MED13: variants seen among roughly 807,000 people sequenced by gnomAD.
The protein encoded by MED13 is mediator of RNA polymerase II transcription subunit 13.
A neutral mutation model predicts 225.2 loss-of-function variants in MED13; 23 were observed. The observed-to-expected ratio is 0.10, with a 90% confidence interval of 0.07 to 0.14. The LOEUF is 0.14. MED13 is among the 10% of genes least tolerant of loss of function. The pLI is 1.00. For missense variants in MED13, 2,197 were observed against 2,594.5 expected (o/e 0.85, Z 3.33); for synonymous variants, 942 against 889.2 (o/e 1.06, Z -1.06).
chr17:62,005,202 T>C (rs1231606152), intron 9 of MED13: 1 of 152,034 alleles, frequency 6.6e-6, no homozygotes, highest in Non-Finnish European at 1.5e-5. Flanking sequence ...CCCTAAGATA[T>C]CATTTACTTT....
chr17:61,983,315 A>G (rs570200463), intron 15 of MED13, among the ~76,000 whole-genome samples: 1 of 152,316 alleles, frequency 6.6e-6, no homozygotes, highest in Admixed American at 6.5e-5. Flanking sequence ...TTGACTAAGG[A>G]TCAATTAACA....
chr17:62,019,362 G>A (rs1022283808), intron 8 of MED13, among the ~76,000 whole-genome samples: 5 of 151,922 alleles, frequency 3.3e-5, no homozygotes, highest in African/African-American at 1.2e-4. Flanking sequence ...TTAATAAGTG[G>A]TGCTTTAAAA....
intron 17 of MED13, among the ~76,000 whole-genome samples, chr17:61,968,924 A>C (rs1283633967): frequency 1.3e-5 from 2 of 151,960 alleles, no homozygotes; most frequent in Non-Finnish European, 2.9e-5. Flanking sequence ...GCTAATTTTT[A>C]AAGTTTTTGT....
chr17:61,955,551 A>G lies in MED13; in HGVS notation c.5799T>C (p.Gly1933=). ...FVIMPDSVST[G]SVFGRSTTLN... ...GAGTCGTGCTTCTTCCAAATACAGAACCAGTTGACACAGAATCTGAAAATG... is the reference window on the plus strand; with the variant it reads ...GAGTCGTGCTTCTTCCAAATACAGAGCCAGTTGACACAGAATCTGAAAATG... The change falls in exon 26 of 30, where the codon GGT becomes GGC. Residue 1933 remains glycine, a synonymous_variant. Coordinates refer to ENST00000397786, the MANE Select transcript of MED13 (RefSeq NM_005121.3). 1 of 1,561,748 alleles carries G rather than the reference A, an allele frequency of 6.4e-7. No homozygotes were observed. The highest frequency in any genetic ancestry group is 8.6e-7 in the Non-Finnish European group (1 of 1,160,718).
intron 9 of MED13, among the ~76,000 whole-genome samples, chr17:62,003,237 T>C (rs1321310575): frequency 1.3e-5 from 2 of 152,190 alleles, no homozygotes; most frequent in African/African-American, 2.4e-5. Flanking sequence ...AGCTAAGCCT[T>C]TGATGGTTCA....
chr17:62,048,030 A>C (rs941700113), intron 3 of MED13, among the ~76,000 whole-genome samples: 2 of 123,694 alleles, frequency 1.6e-5, no homozygotes, highest in Non-Finnish European at 3.3e-5. Context: ...ATATACATAT[A>C]CATATACATA....
At chr17:62,038,917 C>A (rs1603407071) in intron 3 of MED13, among the ~76,000 whole-genome samples, 2 of 152,072 alleles carry the variant, frequency 1.3e-5, no homozygotes, top group South Asian at 4.2e-4. Flanking sequence ...TCAAGCAATC[C>A]CTCCACCTTG....
rs138907217 is a variant in MED13, at chr17:61,972,168, A to G, written c.3967+559T>C. On this transcript the variant is annotated intron_variant, in intron 17 of 29. Coordinates refer to ENST00000397786, the MANE Select transcript of MED13 (RefSeq NM_005121.3). ...CAAATATATCTGAAAAACTCCAATTACGGCCCACCTTTCAGAGACAATCTT... is the reference window on the plus strand; with the variant it reads ...CAAATATATCTGAAAAACTCCAATTGCGGCCCACCTTTCAGAGACAATCTT... 9.2e-5 allele frequency among the ~76,000 whole-genome samples: 14 copies of G among 152,294 alleles called. No individual in the cohort carries two copies. In the East Asian group the frequency reaches 2.5e-3, roughly 27 times the overall value.
chr17:61,982,928 A>G lies in MED13; in HGVS notation c.3075T>C (p.Gly1025=). 1.2e-6 allele frequency: 2 copies of G among 1,614,172 alleles called. No individual in the cohort carries two copies. Among genetic ancestry groups the G allele is most frequent in the Non-Finnish European group, 1.7e-6 (2 of 1,180,026 alleles). The change falls in exon 16 of 30, where the codon GGT becomes GGC. Residue 1025 remains glycine (G), a synonymous_variant. Coordinates refer to ENST00000397786, the MANE Select transcript of MED13 (RefSeq NM_005121.3). The part of the protein sequence containing the change: ...PRTPRTPRGA[G]GPASAQGSVK... Reference sequence around the variant, plus strand: ...CTGAACCTTGAGCACTAGCAGGTCCACCAGCTCCACGAGGAGTCCGAGGAG... The same window carrying G: ...CTGAACCTTGAGCACTAGCAGGTCCGCCAGCTCCACGAGGAGTCCGAGGAG...
intron 5 of MED13, among the ~76,000 whole-genome samples, chr17:62,032,823 A>G (rs1313062194): frequency 6.6e-6 from 1 of 152,192 alleles, no homozygotes; most frequent in Admixed American, 6.5e-5. Context: ...CCTGAATGAG[A>G]GGACATAGAG....
chr17:62,009,276 A>G (rs553372486), intron 9 of MED13, among the ~76,000 whole-genome samples: 3 of 152,376 alleles, frequency 2.0e-5, no homozygotes, highest in South Asian at 2.1e-4. Context: ...TCTTCTGCCC[A>G]AAGTATAACA....
At chr17:61,986,206 T>A (rs1477065725) in intron 12 of MED13, among the ~76,000 whole-genome samples, 1 of 152,170 alleles carries the variant, frequency 6.6e-6, no homozygotes, top group Non-Finnish European at 1.5e-5. Context: ...CATTATGGGA[T>A]ACACAGTAAA....
intron 8 of MED13, among the ~76,000 whole-genome samples, chr17:62,015,913 CACAT>C (rs1203135600): frequency 1.7e-4 from 2 of 12,056 alleles, no homozygotes; most frequent in Non-Finnish European, 2.8e-4. Context: ...ACACACTATA[CACAT>C]ATATATATAT....
intron 8 of MED13, among the ~76,000 whole-genome samples, chr17:62,015,169 C>T (rs533787997): frequency 1.3e-5 from 2 of 152,278 alleles, no homozygotes; most frequent in African/African-American, 4.8e-5. Context: ...TACAAAAAGA[C>T]ATTTCTGAGA....
chr17:61,961,455 GGTT>G, intron 22 of MED13, 130 bp downstream of exon 22: 1 of 785,614 alleles, frequency 1.3e-6, no homozygotes, highest in Non-Finnish European at 2.0e-6. Flanking sequence ...AGGAGGCAGA[GGTT>G]GTGGTGAGCT....
rs780545592 is a variant in MED13 at position 61,968,182 on chromosome 17, A to G, written c.4044T>C (p.Ser1348=). Reference sequence around the variant, plus strand: ...TCTCCCAATAAGGAAGAGCAAATGGAGAAAGCACCAGATAATCATAATCAT... The same window carrying G: ...TCTCCCAATAAGGAAGAGCAAATGGGGAAAGCACCAGATAATCATAATCAT... ...LGYDYDYLVL[S]PFALPYWERL... Residue 1348 remains serine, a synonymous_variant, in exon 18 of 30, where the codon TCT becomes TCC. Coordinates refer to ENST00000397786, the MANE Select transcript of MED13 (RefSeq NM_005121.3). The G allele has an allele frequency of 3.1e-6, 5 of 1,614,152 alleles. No individual in the cohort carries two copies. Among genetic ancestry groups the G allele is most frequent in the Non-Finnish European group, 4.2e-6 (5 of 1,179,984 alleles).
chr17:62,032,365 TTGGGAGGG>T (rs1328096921), intron 5 of MED13: 3 of 151,784 alleles, frequency 2.0e-5, no homozygotes, highest in Non-Finnish European at 4.4e-5. Flanking sequence ...TCCCAGCTAC[TTGGGAGGG>T]TGAGGCAGGA....
chr17:61,978,523 G>A (rs962214997), intron 16 of MED13, among the ~76,000 whole-genome samples: 5 of 152,088 alleles, frequency 3.3e-5, no homozygotes, highest in African/African-American at 1.2e-4. Context: ...GGGGGGCCAA[G>A]GTGGGCGGAT....
rs1166087885 is a variant in MED13, at chr17:62,052,620, C to T, written c.387G>A (p.Arg129=). 4 of 1,604,882 alleles carry T rather than the reference C, an allele frequency of 2.5e-6. No homozygotes were observed. In the East Asian group the frequency reaches 9.0e-5, roughly 36 times the overall value. ...GTACAAAATTCCTGTTCATTAAACA[C>T]CGTTCCAATAGATTGTGAACTGCTT... is the stretch of plus-strand genomic sequence containing the variant. ...LFKAVHNLLE[R]CLMNRNFVRI... Residue 129 remains arginine, a synonymous_variant, in exon 3 of 30, where the codon CGG becomes CGA. Transcript: ENST00000397786.
Sources: allele counts gnomAD v4.1 joint callset (sites outside exome capture counted in the v4.1 genomes callset), GRCh38; gene constraint gnomAD v4.1.1; transcripts MANE v1.5; gene names NCBI Gene and HGNC (gene_info 2026-07-23, HGNC 2026-07-21).